MDM4: variants seen among roughly 807,000 people sequenced by gnomAD.
MDM4 encodes MDM4 regulator of p53, also known as protein Mdm4.
A neutral mutation model predicts 60.2 loss-of-function variants in MDM4; 2 were observed. The ratio of observed to expected loss-of-function variants is 0.03; its 90% CI spans 0.01 to 0.10. The LOEUF (loss-of-function observed/expected upper bound fraction) is 0.10. MDM4 is among the 10% of genes least tolerant of loss of function. The pLI is 1.00. For synonymous variants in MDM4, 202 were observed against 198.1 expected (o/e 1.02, Z -0.17); for missense variants, 447 against 577.5 (o/e 0.77, Z 2.32).
intron 2 of MDM4, 126 bp from the exon 3 acceptor site, chr1:204,526,234 C>A: frequency 4.1e-6 from 3 of 726,442 alleles, no homozygotes; most frequent in Admixed American, 2.4e-5. Flanking sequence ...CCAGCCAAGG[C>A]GACAGAGCAA....
intron 3 of MDM4, chr1:204,529,707 C>T (rs990894724): frequency 9.6e-5 from 51 of 533,608 alleles, no homozygotes; most frequent in Admixed American, 1.4e-4. Flanking sequence ...GCAATTCTGA[C>T]GTCACACACA....
At position 204,549,535 on chromosome 1, in the gene MDM4, A is replaced by G; in HGVS notation, c.1326A>G (p.Lys442=). ...NLLKPCSLCE[K]RPRDGNIIHG... ...TGAAGCCATGTAGCTTATGTGAGAA[A>G]AGACCACGAGACGGGAACATTATTC... Residue 442 remains lysine (K), a synonymous_variant, in exon 11 of 11, where the codon AAA becomes AAG. Transcript: ENST00000367182. 6.2e-7 allele frequency: 1 copy of G among 1,613,628 alleles called. No individual in the cohort carries two copies. The highest frequency in any genetic ancestry group is 8.5e-7 in the Non-Finnish European group (1 of 1,179,922).
intron 9 of MDM4, 74 bp downstream of exon 9, chr1:204,544,758 C>T: frequency 7.2e-7 from 1 of 1,383,300 alleles, no homozygotes; most frequent in Non-Finnish European, 9.8e-7. Context: ...TTCTTTGTAT[C>T]TGTTTTTACA....
In MDM4 at chr1:204,537,762, T is replaced by C. The variant is rs1036851674; in HGVS notation, c.411+265T>C. On this transcript the variant is annotated intron_variant, in intron 6 of 10. Coordinates refer to ENST00000367182, the MANE Select transcript of MDM4 (RefSeq NM_002393.5). ...TTTTCTTTGGGTTTGTGTGTACCTG[T>C]GTGTGTGTGTTTGAGGATATTGCTT... is the stretch of plus-strand genomic sequence containing the variant. 8.6e-5 allele frequency: 52 copies of C among 601,260 alleles called. No individual in the cohort carries two copies. In the Admixed American group the frequency reaches 1.5e-3, roughly 17 times the overall value. 37.2% of individuals were successfully genotyped at this position (601,260 alleles called of 1,614,324 possible). A position where few individuals can be genotyped will look rare whatever the true frequency, so the allele number is the denominator to read the frequency against.
At chr1:204,532,786 T>C in intron 5 of MDM4, 1 of 1,611,702 alleles carries the variant, frequency 6.2e-7, no homozygotes. Context: ...TCATTTGTTC[T>C]GTAGAATTTC....
At chr1:204,535,514 A>G (rs537494184) in intron 5 of MDM4, among the ~76,000 whole-genome samples, 13 of 151,582 alleles carry the variant, frequency 8.6e-5, no homozygotes, top group South Asian at 4.2e-4. Context: ...TACAAATGAA[A>G]TAAATATGAC....
rs940018030 is a variant in MDM4, at chr1:204,549,745, C to T, written c.*63C>T. The T allele has an allele frequency of 6.7e-6, 7 of 1,038,232 alleles. No individual in the cohort carries two copies. The highest frequency in any genetic ancestry group is 9.7e-6 in the Non-Finnish European group (7 of 725,036). 64.3% of individuals were successfully genotyped at this position (1,038,232 alleles called of 1,614,324 possible). A position where few individuals can be genotyped will look rare whatever the true frequency, so the allele number is the denominator to read the frequency against. ...CTTACCACATTATTTGAAAATCAATCCTTTATTTAATTTTATTTCCAACCT... is the reference window on the plus strand; with the variant it reads ...CTTACCACATTATTTGAAAATCAATTCTTTATTTAATTTTATTTCCAACCT... On this transcript the variant is annotated 3_prime_UTR_variant, in exon 11 of 11. Transcript: ENST00000367182.
rs2102458708 is a variant in MDM4, at chr1:204,549,573, G to C, written c.1364G>C (p.Gly455Ala). The C allele has an allele frequency of 6.2e-7, 1 of 1,613,636 alleles. No homozygotes were observed. Among genetic ancestry groups the C allele is most frequent in the African/African-American group, 1.3e-5 (1 of 75,018 alleles). The change falls in exon 11 of 11, where the codon GGC becomes GCC. Residue 455 changes from glycine (G) to alanine (A), a missense_variant. Physicochemically the swap from Gly to Ala is moderately conservative, Grantham distance 60 (BLOSUM62 0). Transcript: ENST00000367182. ...GGGAACATTATTCATGGAAGGACGG[G>C]CCATCTTGTCACTTGTTTTCACTGT... ...RDGNIIHGRTGHLVTCFHCAR... is the reference protein window; with the variant it reads ...RDGNIIHGRTAHLVTCFHCAR...
At chr1:204,540,890 T>C (rs1210466694) in intron 7 of MDM4, among the ~76,000 whole-genome samples, 1 of 152,242 alleles carries the variant, frequency 6.6e-6, no homozygotes, top group Non-Finnish European at 1.5e-5. Flanking sequence ...AGTCTAGGCA[T>C]GTGGACCAAT....
intron 5 of MDM4, among the ~76,000 whole-genome samples, chr1:204,534,609 T>C (rs1275634111): frequency 6.6e-6 from 1 of 152,134 alleles, no homozygotes; most frequent in Non-Finnish European, 1.5e-5. Flanking sequence ...CACCTCAGCC[T>C]CCTCAGTAGC....
At position 204,550,350 on chromosome 1, in the gene MDM4, A is replaced by C. The variant is rs977010748; in HGVS notation, c.*668A>C. The C allele has an allele frequency of 9.1e-6, 2 of 218,630 alleles. No homozygotes were observed. Among genetic ancestry groups the C allele is most frequent in the African/African-American group, 4.5e-5 (2 of 44,458 alleles). 13.5% of individuals were successfully genotyped at this position (218,630 alleles called of 1,614,324 possible). On this transcript the variant is annotated 3_prime_UTR_variant, in exon 11 of 11. Transcript: ENST00000367182. Reference sequence around the variant, plus strand: ...AACCACACTGGCTAATTTTTTGTGGAGATGAAGTCTCACTATGTTGCCCAG... The same window carrying C: ...AACCACACTGGCTAATTTTTTGTGGCGATGAAGTCTCACTATGTTGCCCAG...
At position 204,544,595 on chromosome 1, in the gene MDM4, G is replaced by A. The variant is rs1458223067; in HGVS notation, c.733G>A (p.Val245Ile). The stretch of plus-strand genomic sequence containing the variant: ...TGACTTGTGGTTTTTGAATGAGTCA[G>A]TATCAGAGCAGTTAGGTGTTGGAAT... ...TDDLWFLNES[V>I]SEQLGVGIKV... Residue 245 changes from valine (V) to isoleucine (I), a missense_variant, in exon 9 of 11, where the codon GTA becomes ATA. Physicochemically the swap from Val to Ile is conservative, Grantham distance 29. Transcript: ENST00000367182. 1 of 1,613,672 alleles carries A rather than the reference G, an allele frequency of 6.2e-7. No individual in the cohort carries two copies. Among genetic ancestry groups the A allele is most frequent in the South Asian group, 1.1e-5 (1 of 91,074 alleles).
rs891648717 is a variant in MDM4 at position 204,542,116 on chromosome 1, A to G, written c.512-668A>G. Among the ~76,000 whole-genome samples, 6 of 152,216 alleles carry G rather than the reference A, an allele frequency of 3.9e-5. No individual in the cohort carries two copies. The South Asian group carries it at 1.0e-3, about 26-fold the overall frequency. ...AACGTGGGGTCTTAGTATTTGTGGT[A>G]TGTCTAGATACTTAACTCTAAGAGC... On this transcript the variant is annotated intron_variant, in intron 7 of 10. Transcript: ENST00000367182.
rs1663137794 is a variant in MDM4 at position 204,550,871 on chromosome 1, T to A, written c.*1189T>A. 2 of 179,294 alleles carry A rather than the reference T, an allele frequency of 1.1e-5. No homozygotes were observed. Among genetic ancestry groups the A allele is most frequent in the Admixed American group, 6.3e-5 (1 of 15,852 alleles). 11.1% of individuals were successfully genotyped at this position (179,294 alleles called of 1,614,324 possible). A position where few individuals can be genotyped will look rare whatever the true frequency, so the allele number is the denominator to read the frequency against. On this transcript the variant is annotated 3_prime_UTR_variant, in exon 11 of 11. Coordinates refer to ENST00000367182, the MANE Select transcript of MDM4 (RefSeq NM_002393.5). ...TATGAAAGCCCTGGGACTATAGATTTAGCTGATTAAATTTATAGAAAAAGT... is the reference window on the plus strand; with the variant it reads ...TATGAAAGCCCTGGGACTATAGATTAAGCTGATTAAATTTATAGAAAAAGT...
In MDM4 at chr1:204,554,463, A is replaced by G. The variant is rs1405561950; in HGVS notation, c.*4781A>G. 1 of 225,402 alleles carries G rather than the reference A, an allele frequency of 4.4e-6. No homozygotes were observed. The highest frequency in any genetic ancestry group is 8.8e-6 in the Non-Finnish European group (1 of 113,242). The allele number at this position is 225,402 out of a possible 1,614,324, so 14.0% of individuals were successfully genotyped here. A position where few individuals can be genotyped will look rare whatever the true frequency, so the allele number is the denominator to read the frequency against. ...TGCTAAAAATGGCCATAGATTAGGAACTAGCTATGTTTTTAGAATCAAAGA... is the reference window on the plus strand; with the variant it reads ...TGCTAAAAATGGCCATAGATTAGGAGCTAGCTATGTTTTTAGAATCAAAGA... On this transcript the variant is annotated 3_prime_UTR_variant, in exon 11 of 11. Coordinates refer to ENST00000367182, the MANE Select transcript of MDM4 (RefSeq NM_002393.5).
At chr1:204,528,956 G>A in intron 3 of MDM4, 2 of 1,560,048 alleles carry the variant, frequency 1.3e-6, no homozygotes, top group Non-Finnish European at 1.8e-6. Context: ...GCAGCTGGGT[G>A]CACACCTGGA....
chr1:204,539,519 T>G (rs906327393), intron 7 of MDM4, among the ~76,000 whole-genome samples: 3 of 148,188 alleles, frequency 2.0e-5, no homozygotes, highest in Admixed American at 6.8e-5. Flanking sequence ...AAAACTTGTT[T>G]TTTTTTTTTG....
chr1:204,532,233 C>A lies in MDM4; in HGVS notation c.330C>A (p.Ala110=), dbSNP rs538696162. Residue 110 remains alanine (A), a synonymous_variant, in exon 5 of 11, where the codon GCC becomes GCA. Transcript: ENST00000367182. The part of the protein sequence containing the change: ...DMLRKNLVTL[A]TATTDAAQTL... Reference sequence around the variant, plus strand: ...TAAGAAAGAATCTTGTCACTTTAGCCACTGCTACTACAGGTATGTCACATC... The same window carrying A: ...TAAGAAAGAATCTTGTCACTTTAGCAACTGCTACTACAGGTATGTCACATC... The A allele has an allele frequency of 7.6e-5, 122 of 1,596,564 alleles. No individual in the cohort carries two copies. Among genetic ancestry groups the A allele is most frequent in the Admixed American group, 2.3e-4 (14 of 59,762 alleles).
At chr1:204,525,686 C>A (rs2102316296) in intron 2 of MDM4, 90 bp downstream of exon 2, 1 of 871,150 alleles carries the variant, frequency 1.1e-6, no homozygotes, top group Non-Finnish European at 1.7e-6. Context: ...AATCCCAGCA[C>A]TTTGAGAAGT....
Sources: gnomAD v4.1 joint callset for allele counts (sites outside exome capture counted in the v4.1 genomes callset) on GRCh38, gnomAD v4.1.1 for gene constraint, MANE v1.5 for transcripts, NCBI Gene and HGNC (gene_info 2026-07-23, HGNC 2026-07-21) for gene names.